CAMSAP1: variants seen among roughly 807,000 people sequenced by gnomAD.
CAMSAP1 encodes calmodulin regulated spectrin associated protein 1, also known as calmodulin-regulated spectrin-associated protein 1.
CAMSAP1 carries 58 observed loss-of-function variants against 143.5 expected under a neutral mutation model. The ratio of observed to expected loss-of-function variants is 0.40; its 90% CI spans 0.33 to 0.50. CAMSAP1 has a LOEUF of 0.50. Ranked by LOEUF, CAMSAP1 falls within the 20% of genes least tolerant of loss-of-function variation. CAMSAP1 has a pLI of 0.45. For missense variants in CAMSAP1, 1,969 were observed against 2,115.7 expected, an observed-to-expected ratio of 0.93 and a Z score of 1.36; for synonymous variants, 945 against 859.3, an observed-to-expected ratio of 1.10 and a Z score of -1.74.
At chr9:135,847,752 G>A (rs1588469701) in intron 7 of CAMSAP1, among the ~76,000 whole-genome samples, 1 of 138,584 alleles carries the variant, frequency 7.2e-6, no homozygotes, top group African/African-American at 2.8e-5. Context: ...CTAATGTAGA[G>A]GATGGGTTGA....
chr9:135,816,354 G>GATGA (rs1197552082), intron 14 of CAMSAP1, among the ~76,000 whole-genome samples: 4 of 152,196 alleles, frequency 2.6e-5, no homozygotes, highest in African/African-American at 9.7e-5. Flanking sequence ...GAAGCCAGAG[G>GATGA]ATGAAGTTTG....
At chr9:135,869,308 G>C (rs751584985) in intron 3 of CAMSAP1, among the ~76,000 whole-genome samples, 12 of 151,838 alleles carry the variant, frequency 7.9e-5, no homozygotes, top group Non-Finnish European at 1.3e-4. Flanking sequence ...TTCAAGACCA[G>C]CCTGGGCAAC....
In CAMSAP1 at chr9:135,821,507, A is replaced by G. The variant is rs771181190; in HGVS notation, c.3154T>C (p.Ser1052Pro). ...SQQQEQLLMK[S>P]PTVPVPGSKN... is the part of the protein sequence containing the mutation. ...GAGCCTGGCACTGGGACTGTGGGGG[A>G]CTTCATCAGAAGCTGCTCTTGCTGC... is the stretch of plus-strand genomic sequence containing the variant. The change falls in exon 11 of 17, where the codon TCC becomes CCC. Residue 1052 changes from serine (S) to proline (P), a missense_variant. Ser to Pro is a moderately conservative substitution (Grantham distance 74). Transcript: ENST00000389532. The surrounding 1 kb of genome is among the most constrained non-coding windows in gnomAD (Gnocchi z 4.6). 1 of 1,613,852 alleles carries G rather than the reference A, an allele frequency of 6.2e-7. No homozygotes were observed. The highest frequency in any genetic ancestry group is 1.1e-5 in the South Asian group (1 of 91,074).
rs561093124 is a variant in CAMSAP1, at chr9:135,815,326, A to G, written c.4388-111T>C. 1.3e-5 allele frequency: 7 copies of G among 536,388 alleles called. No individual in the cohort carries two copies. The South Asian group carries it at 2.1e-4, about 16-fold the overall frequency. The allele number at this position is 536,388 out of a possible 1,614,324, so 33.2% of individuals were successfully genotyped here. A position where few individuals can be genotyped will look rare whatever the true frequency, so the allele number is the denominator to read the frequency against. ...AAGCAATGGGTAGGCTGAATTACAG[A>G]TATTTATGATTATTTAAAAATGGGA... is the stretch of plus-strand genomic sequence containing the variant. On this transcript the variant is annotated intron_variant, in intron 15 of 16. Coordinates refer to ENST00000389532, the MANE Select transcript of CAMSAP1 (RefSeq NM_015447.4).
chr9:135,837,720 GAC>G (rs1461138421), intron 7 of CAMSAP1, among the ~76,000 whole-genome samples: 1 of 135,080 alleles, frequency 7.4e-6, no homozygotes, highest in African/African-American at 2.9e-5. Flanking sequence ...ACGTTCTACA[GAC>G]ACACATCATC....
Position 135,810,881 on chromosome 9 carries a change from A to C in CAMSAP1, c.*428T>G, listed in dbSNP as rs1013021495. 11 of 192,876 alleles carry C rather than the reference A, an allele frequency of 5.7e-5. No individual in the cohort carries two copies. The highest frequency in any genetic ancestry group is 2.6e-4 in the African/African-American group (11 of 42,818). 11.9% of individuals were successfully genotyped at this position (192,876 alleles called of 1,614,324 possible). The stretch of plus-strand genomic sequence containing the variant: ...ATAGTCACGAGATTACAGCTGGCCA[A>C]TATGAGGGTGTCAGGCAATGTGCAA... On this transcript the variant is annotated 3_prime_UTR_variant, in exon 17 of 17. Coordinates refer to ENST00000389532, the MANE Select transcript of CAMSAP1 (RefSeq NM_015447.4).
In CAMSAP1 at chr9:135,900,860, T is replaced by C. The variant is rs141039494; in HGVS notation, c.160+6140A>G. On this transcript the variant is annotated intron_variant, in intron 1 of 16. Transcript: ENST00000389532. Reference sequence around the variant, plus strand: ...GCCTCCGCCTCCTGGGTTTAAGCGATTCGTCTGCCTCAGCCTCCTGAGTAG... The same window carrying C: ...GCCTCCGCCTCCTGGGTTTAAGCGACTCGTCTGCCTCAGCCTCCTGAGTAG... Among the ~76,000 whole-genome samples the C allele has an allele frequency of 6.3e-3, 958 of 152,108 alleles. 9 individuals are homozygous for C. Among genetic ancestry groups the C allele is most frequent in the African/African-American group, 0.022 (921 of 41,528 alleles).
rs1281447120 is a variant in CAMSAP1 at position 135,907,399 on chromosome 9, G to A, written c.-240C>T. Among the ~76,000 whole-genome samples the A allele has an allele frequency of 1.4e-5, 2 of 146,228 alleles. No homozygotes were observed. The highest frequency in any genetic ancestry group is 1.5e-5 in the Non-Finnish European group (1 of 65,810). ...GGTGCCGAGCCCGCGGCCCAAAGAGGCGGCGGCAGGAGGGCGCGGGCCGGG... is the reference window on the plus strand; with the variant it reads ...GGTGCCGAGCCCGCGGCCCAAAGAGACGGCGGCAGGAGGGCGCGGGCCGGG... On this transcript the variant is annotated 5_prime_UTR_variant, in exon 1 of 17. Coordinates refer to ENST00000389532, the MANE Select transcript of CAMSAP1 (RefSeq NM_015447.4).
At chr9:135,817,773 A>G (rs1588440019) in intron 14 of CAMSAP1, 1 of 559,216 alleles carries the variant, frequency 1.8e-6, no homozygotes, top group South Asian at 2.0e-5. Context: ...GATAAGGTGA[A>G]GGCTGCCACG....
chr9:135,895,970 C>T (rs1256205202), intron 1 of CAMSAP1, among the ~76,000 whole-genome samples: 1 of 151,910 alleles, frequency 6.6e-6, no homozygotes, highest in Admixed American at 6.6e-5. Flanking sequence ...AGAAGAGAAA[C>T]AGGAACAAGA....
At chr9:135,847,211 TG>T (rs1836586764) in intron 7 of CAMSAP1, among the ~76,000 whole-genome samples, 1 of 150,548 alleles carries the variant, frequency 6.6e-6, no homozygotes, top group Admixed American at 6.6e-5. Flanking sequence ...AAAAATTAGC[TG>T]GGCATGGTGG....
chr9:135,811,582 G>A lies in CAMSAP1; in HGVS notation c.4536C>T (p.Tyr1512=). 5 of 1,596,124 alleles carry A rather than the reference G, an allele frequency of 3.1e-6. No individual in the cohort carries two copies. The highest frequency in any genetic ancestry group is 4.3e-6 in the Non-Finnish European group (5 of 1,170,952). ...EELEKCDANH[Y]IILFRDAGCQ... ...AGCCAGCATCACGAAACAGTATGAT[G>A]TAGTGATTGGCATCACACTTCTCCA... Residue 1512 remains tyrosine (Y), a synonymous_variant, in exon 17 of 17, where the codon TAC becomes TAT. Transcript: ENST00000389532. The surrounding 1 kb of genome is among the most constrained non-coding windows in gnomAD (Gnocchi z 4.9).
chr9:135,821,487 T>C lies in CAMSAP1; in HGVS notation c.3174A>G (p.Pro1058=), dbSNP rs772520490. ...GGTCCTGCGAGTTATTCTTAGAGCC[T>C]GGCACTGGGACTGTGGGGGACTTCA... The part of the protein sequence containing the change: ...LLMKSPTVPV[P]GSKNNSQDHK... Residue 1058 remains proline (P), a synonymous_variant, in exon 11 of 17, where the codon CCA becomes CCG. Coordinates refer to ENST00000389532, the MANE Select transcript of CAMSAP1 (RefSeq NM_015447.4). The surrounding 1 kb of genome is among the most constrained non-coding windows in gnomAD (Gnocchi z 4.6). The C allele has an allele frequency of 6.2e-7, 1 of 1,614,068 alleles. No homozygotes were observed. The highest frequency in any genetic ancestry group is 1.7e-5 in the Admixed American group (1 of 60,036).
chr9:135,847,713 T>A (rs1385668864), intron 7 of CAMSAP1, among the ~76,000 whole-genome samples: 1 of 145,930 alleles, frequency 6.9e-6, no homozygotes, highest in Non-Finnish European at 1.5e-5. Flanking sequence ...GTGGGAGGGC[T>A]AGGAGAGGGA....
chr9:135,823,232 G>A lies in CAMSAP1; in HGVS notation c.1429C>T (p.Leu477=), dbSNP rs145071711. 444 of 1,561,542 alleles carry A rather than the reference G, an allele frequency of 2.8e-4. 1 individual carries two copies. The highest frequency in any genetic ancestry group is 3.6e-4 in the Non-Finnish European group (420 of 1,152,934). ...ACTTCACAACTCGCAGCGTGATGTA[G>A]AGCAAAAGGTGTTGGCTGGGACGCA... ...RPASQPTPFA[L]HHAASCEVDP... Residue 477 remains leucine, a synonymous_variant, in exon 11 of 17, where the codon CTA becomes TTA. Transcript: ENST00000389532.
At chr9:135,863,493 G>A (rs1837270301) in intron 4 of CAMSAP1, among the ~76,000 whole-genome samples, 1 of 152,162 alleles carries the variant, frequency 6.6e-6, no homozygotes, top group South Asian at 2.1e-4. Flanking sequence ...ATACAAACTA[G>A]AGGAAGAAAA....
chr9:135,849,398 C>T (rs1250777018), intron 7 of CAMSAP1, among the ~76,000 whole-genome samples: 2 of 152,190 alleles, frequency 1.3e-5, no homozygotes, highest in Non-Finnish European at 2.9e-5. Context: ...AGCTGCAGGC[C>T]GTCTGGGTGT....
chr9:135,895,026 AG>A (rs981031126), intron 1 of CAMSAP1, among the ~76,000 whole-genome samples: 2 of 152,226 alleles, frequency 1.3e-5, no homozygotes, highest in Admixed American at 6.5e-5. Flanking sequence ...ATTGACCTTG[AG>A]GTCAGATCAA....
chr9:135,812,740 G>T (rs1835094589), intron 16 of CAMSAP1, among the ~76,000 whole-genome samples: 1 of 152,194 alleles, frequency 6.6e-6, no homozygotes, highest in Middle Eastern at 3.2e-3. Flanking sequence ...AAGCTGAGGT[G>T]GGCGAATCAC....
Sources: allele counts gnomAD v4.1 joint callset (sites outside exome capture counted in the v4.1 genomes callset), GRCh38; gene constraint gnomAD v4.1.1; non-coding constraint Gnocchi (gnomAD v3.1); transcripts MANE v1.5; gene names NCBI Gene and HGNC (gene_info 2026-07-23, HGNC 2026-07-21).